Variants in ARAP2 observed in about 807,000 individuals in gnomAD.
ARAP2 encodes ArfGAP with RhoGAP domain, ankyrin repeat and PH domain 2.
Under a neutral mutation model 194.5 loss-of-function variants are expected in ARAP2, and 148 were observed. The observed-to-expected ratio is 0.76, with a 90% CI of 0.67 to 0.87. The LOEUF (loss-of-function observed/expected upper bound fraction) is 0.87, where lower values mean the gene tolerates loss of function less well. ARAP2 is among the 40% of genes least tolerant of loss of function. The probability of loss-of-function intolerance (pLI) is 0.00; values close to 1 mark genes in which losing one functional copy is unlikely to be tolerated. For synonymous variants in ARAP2, 695 were observed against 683.5 expected, an observed-to-expected ratio of 1.02 and a Z score of -0.26; for missense variants, 2,128 against 1,989.7, an observed-to-expected ratio of 1.07 and a Z score of -1.32.
At chr4:36,100,663 T>C (rs1019499305) in intron 27 of ARAP2, among the ~76,000 whole-genome samples, 2 of 152,124 alleles carry the variant, frequency 1.3e-5, no homozygotes, top group African/African-American at 4.8e-5. Flanking sequence ...CACTGTATGA[T>C]ATTCACTCAA....
At chr4:36,167,936 G>C (rs1169611251) in intron 9 of ARAP2, among the ~76,000 whole-genome samples, 1 of 150,434 alleles carries the variant, frequency 6.6e-6, no homozygotes, top group African/African-American at 2.5e-5. Flanking sequence ...TGACCTATTT[G>C]AATAAATTCA....
rs373737901 is a variant in ARAP2 at position 36,121,291 on chromosome 4, G to A, written c.3782C>T (p.Ala1261Val). ...QKCSEINHMN[A>V]HNLALVFSSC... is the part of the protein sequence containing the mutation. ...TGAAAAGACCAAGGCCAAATTATGG[G>A]CATTCATGTGATTGATTTCTGAGCA... Residue 1261 changes from alanine to valine, a missense_variant, in exon 23 of 33, where the codon GCC (alanine) becomes GTC (valine). By Grantham distance (64) the Ala-to-Val change is moderately conservative. Coordinates refer to ENST00000303965, the MANE Select transcript of ARAP2 (RefSeq NM_015230.4). The A allele has an allele frequency of 7.5e-6, 12 of 1,601,608 alleles. No individual in the cohort carries two copies. The highest frequency in any genetic ancestry group is 1.0e-5 in the Non-Finnish European group (12 of 1,172,962).
At chr4:36,232,486 A>C (rs1483033538) in intron 1 of ARAP2, among the ~76,000 whole-genome samples, 1 of 152,238 alleles carries the variant, frequency 6.6e-6, no homozygotes, top group East Asian at 1.9e-4. Context: ...CACCATGCTC[A>C]TATTTCCTAT....
At chr4:36,098,740 T>A (rs1309219260) in intron 27 of ARAP2, among the ~76,000 whole-genome samples, 1 of 152,050 alleles carries the variant, frequency 6.6e-6, no homozygotes, top group Non-Finnish European at 1.5e-5. Flanking sequence ...ACAAATTTGA[T>A]TCCTACTTCT....
At chr4:36,113,209 G>A (rs1481644190) in intron 26 of ARAP2, among the ~76,000 whole-genome samples, 1 of 151,962 alleles carries the variant, frequency 6.6e-6, no homozygotes, top group Non-Finnish European at 1.5e-5. Context: ...TCATTTGCCA[G>A]AGTATTTCTG....
At chr4:36,189,775 C>T (rs1172927666) in intron 7 of ARAP2, among the ~76,000 whole-genome samples, 1 of 152,218 alleles carries the variant, frequency 6.6e-6, no homozygotes, top group East Asian at 1.9e-4. Flanking sequence ...TCATTTCACT[C>T]AATTTCACTG....
intron 28 of ARAP2, among the ~76,000 whole-genome samples, chr4:36,089,282 G>C (rs1712865225): frequency 1.3e-5 from 2 of 152,104 alleles, no homozygotes; most frequent in Admixed American, 1.3e-4. Flanking sequence ...ACTCACCAAT[G>C]CTGTGGCTTG....
At chr4:36,152,536 A>G (rs1359155884) in intron 15 of ARAP2, among the ~76,000 whole-genome samples, 1 of 152,170 alleles carries the variant, frequency 6.6e-6, no homozygotes, top group East Asian at 1.9e-4. Flanking sequence ...GGCATAGATT[A>G]GGAGATCCAC....
intron 4 of ARAP2, among the ~76,000 whole-genome samples, chr4:36,046,417 G>A (rs748721050): frequency 3.0e-4 from 45 of 152,146 alleles, no homozygotes; most frequent in Non-Finnish European, 6.2e-4. Context: ...TCAAGCTCCT[G>A]GGCTCAAGGA....
At position 36,030,797 on chromosome 4, in the gene ARAP2, G is replaced by GTTTTTTTTTTTTTTTTTTTTTTTT. The variant is rs34777330; in HGVS notation, n.608-11512_608-11511insAAAAAAAAAAAAAAAAAAAAAAAA. Among the ~76,000 whole-genome samples, 3 of 16,082 alleles carry GTTTTTTTTTTTTTTTTTTTTTTTT rather than the reference G, an allele frequency of 1.9e-4. 1 individual carries two copies. Among genetic ancestry groups the GTTTTTTTTTTTTTTTTTTTTTTTT allele is most frequent in the African/African-American group, 2.0e-4 (2 of 9,862 alleles). The allele number at this position is 16,082 out of a possible 152,430, so 10.6% of individuals were successfully genotyped here. A position where few individuals can be genotyped will look rare whatever the true frequency, so the allele number is the denominator to read the frequency against. ...TCAACTCTTGTTTGACATTGTCTAC[G>GTTTTTTTTTTTTTTTTTTTTTTTT]TTTTTTTTTTTTTTTTTTTTGGTAC... On this transcript the variant is annotated intron_variant and non_coding_transcript_variant, in intron 5 of 12. Coordinates refer to the ARAP2 transcript ENST00000503225.
At chr4:36,073,608 G>A in intron 32 of ARAP2, 81 bp downstream of exon 32, 2 of 1,469,356 alleles carry the variant, frequency 1.4e-6, no homozygotes, top group South Asian at 2.7e-5. Flanking sequence ...AGCCAATGAA[G>A]TAATTAATGA....
rs749707930 is a variant in ARAP2 at position 36,133,291 on chromosome 4, T to C, written c.3362A>G (p.Gln1121Arg). The change falls in exon 20 of 33, where the codon CAG (glutamine) becomes CGG (arginine). Residue 1121 changes from glutamine (Q) to arginine (R), a missense_variant. Coordinates refer to ENST00000303965, the MANE Select transcript of ARAP2 (RefSeq NM_015230.4). ...AGTDGNALQD[Q>R]QLSKNDVPII... The stretch of plus-strand genomic sequence containing the variant: ...GGGAACGTCATTTTTGCTGAGCTGC[T>C]GATCTTGTAAAGCATTACCATCTGT... 2 of 1,611,328 alleles carry C rather than the reference T, an allele frequency of 1.2e-6. No individual in the cohort carries two copies. The highest frequency in any genetic ancestry group is 2.7e-5 in the African/African-American group (2 of 74,744).
intron 30 of ARAP2, among the ~76,000 whole-genome samples, chr4:36,080,546 C>T (rs139490193): frequency 6.6e-5 from 10 of 152,244 alleles, no homozygotes; most frequent in African/African-American, 1.4e-4. Flanking sequence ...CAATATTTTT[C>T]GGAAAGGCAG....
chr4:36,015,014 G>GA (rs1441710619), intron 8 of ARAP2, among the ~76,000 whole-genome samples: 1 of 152,068 alleles, frequency 6.6e-6, no homozygotes, highest in African/African-American at 2.4e-5. Context: ...TTTTGAGTAT[G>GA]AAAAAAGTGT....
intron 15 of ARAP2, among the ~76,000 whole-genome samples, chr4:36,152,195 C>A (rs1419471962): frequency 6.6e-6 from 1 of 152,038 alleles, no homozygotes; most frequent in Non-Finnish European, 1.5e-5. Flanking sequence ...CTGGCAGAAG[C>A]AAATAGCATA....
intron 9 of ARAP2, among the ~76,000 whole-genome samples, chr4:36,169,531 AC>A (rs1237724087): frequency 1.5e-5 from 2 of 137,284 alleles, no homozygotes; most frequent in Non-Finnish European, 1.6e-5. Flanking sequence ...GGCAAAGATG[AC>A]TTTTTTTTTT....
intron 1 of ARAP2, among the ~76,000 whole-genome samples, chr4:36,230,141 G>GTAAC (rs1186172192): frequency 6.6e-6 from 1 of 152,148 alleles, no homozygotes; most frequent in Non-Finnish European, 1.5e-5. Flanking sequence ...AAGCATACAG[G>GTAAC]TAACTTCTCA....
At position 36,210,737 on chromosome 4, in the gene ARAP2, G is replaced by A. The variant is rs370820942; in HGVS notation, c.1140C>T (p.Tyr380=). 3.3e-5 allele frequency: 52 copies of A among 1,584,682 alleles called. No homozygotes were observed. Among genetic ancestry groups the A allele is most frequent in the African/African-American group, 8.2e-5 (6 of 73,378 alleles). The change falls in exon 6 of 33, where the codon TAC becomes TAT. Residue 380 remains tyrosine, a synonymous_variant. Transcript: ENST00000303965. Reference sequence around the variant, plus strand: ...CGCTTATTTTCTCCTTTCTGTTATCGTATATGCTAAACGGAAAAATGATGT... The same window carrying A: ...CGCTTATTTTCTCCTTTCTGTTATCATATATGCTAAACGGAAAAATGATGT... ...TNSFIIKSSI[Y]DNRKEKISED... is the part of the protein sequence containing the mutation.
At chr4:36,170,359 G>T (rs1736328615) in intron 9 of ARAP2, among the ~76,000 whole-genome samples, 1 of 152,210 alleles carries the variant, frequency 6.6e-6, no homozygotes, top group Non-Finnish European at 1.5e-5. Context: ...AGGCCAAGGT[G>T]AGAGGATTGC....
Sources: gnomAD v4.1 joint callset for allele counts (sites outside exome capture counted in the v4.1 genomes callset) on GRCh38, gnomAD v4.1.1 for gene constraint, MANE v1.5 for transcripts, NCBI Gene and HGNC (gene_info 2026-07-23, HGNC 2026-07-21) for gene names.